Variants in BTBD9 observed in about 807,000 individuals in gnomAD.
BTBD9 encodes BTB domain containing 9.
A neutral mutation model predicts 64.3 loss-of-function variants in BTBD9; 49 were observed. That is an observed-to-expected ratio of 0.76 (90% CI 0.61 to 0.97). BTBD9 has a LOEUF of 0.97. BTBD9 is among the 50% of genes least tolerant of loss of function. The pLI is 0.00. For missense variants in BTBD9, 598 were observed against 762.1 expected (o/e 0.78, Z 2.53); for synonymous variants, 260 against 274.7 (o/e 0.95, Z 0.53).
rs536400652 is a variant in BTBD9 at position 38,301,282 on chromosome 6, T to C, written c.1265-12821A>G. Reference sequence around the variant, plus strand: ...TTTGCCAGTATTTTATTGAGGATTTTTGCATCAATGTTCATCAAGGATATT... The same window carrying C: ...TTTGCCAGTATTTTATTGAGGATTTCTGCATCAATGTTCATCAAGGATATT... On this transcript the variant is annotated intron_variant, in intron 7 of 10. Coordinates refer to ENST00000481247, the MANE Select transcript of BTBD9 (RefSeq NM_001099272.2). 1.6e-3 allele frequency among the ~76,000 whole-genome samples: 242 copies of C among 152,330 alleles called. 1 individual carries two copies. The highest frequency in any genetic ancestry group is 5.2e-3 in the African/African-American group (215 of 41,568).
chr6:38,472,492 C>T (rs764244424), intron 6 of BTBD9, among the ~76,000 whole-genome samples: 2 of 151,922 alleles, frequency 1.3e-5, no homozygotes, highest in Non-Finnish European at 2.9e-5. Context: ...AGAAAGGTCC[C>T]CAAGCAGCAA....
chr6:38,504,108 C>G (rs1447336422), intron 6 of BTBD9, among the ~76,000 whole-genome samples: 1 of 152,166 alleles, frequency 6.6e-6, no homozygotes, highest in Non-Finnish European at 1.5e-5. Context: ...AGTGCCCTCA[C>G]TTCCCCGTCT....
At chr6:38,332,453 T>C (rs898795168) in intron 7 of BTBD9, among the ~76,000 whole-genome samples, 33 of 152,224 alleles carry the variant, frequency 2.2e-4, no homozygotes, top group Non-Finnish European at 4.1e-4. Context: ...CACATTATAT[T>C]CTTACACATA....
chr6:38,188,337 A>G (rs1481245183), intron 10 of BTBD9, among the ~76,000 whole-genome samples: 2 of 152,170 alleles, frequency 1.3e-5, no homozygotes, highest in African/African-American at 4.8e-5. Flanking sequence ...ACTTTTGCCA[A>G]ACTGCCCAGC....
intron 6 of BTBD9, among the ~76,000 whole-genome samples, chr6:38,391,199 C>T (rs1226997318): frequency 6.6e-6 from 1 of 152,184 alleles, no homozygotes; most frequent in African/African-American, 2.4e-5. Context: ...AGCTCATGAA[C>T]CTTACTCTCA....
rs143718974 is a variant in BTBD9, at chr6:38,630,464, G to A, written c.-28+9336C>T. Among the ~76,000 whole-genome samples, 486 of 152,280 alleles carry A rather than the reference G, an allele frequency of 3.2e-3. 2 individuals carry two copies. Among genetic ancestry groups the A allele is most frequent in the Middle Eastern group, 6.8e-3 (2 of 294 alleles). ...TGTTTTTAGGAAATGCACATTGAAG[G>A]ATTGGGTATTATATCTGCAACTTTC... On this transcript the variant is annotated intron_variant, in intron 1 of 10. Coordinates refer to ENST00000481247, the MANE Select transcript of BTBD9 (RefSeq NM_001099272.2).
At chr6:38,532,718 A>C (rs1044949968) in intron 6 of BTBD9, among the ~76,000 whole-genome samples, 1 of 152,028 alleles carries the variant, frequency 6.6e-6, no homozygotes, top group Admixed American at 6.5e-5. Flanking sequence ...GGAAGAACCC[A>C]GTCCTCGAAG....
intron 6 of BTBD9, among the ~76,000 whole-genome samples, chr6:38,566,327 T>C (rs1285809397): frequency 2.0e-5 from 3 of 152,184 alleles, no homozygotes; most frequent in African/African-American, 7.2e-5. Flanking sequence ...GTCAAGTATA[T>C]GAATCTATAC....
intron 6 of BTBD9, among the ~76,000 whole-genome samples, chr6:38,514,515 G>GA (rs11406916): frequency 0.85 from 128,674 of 152,128 alleles, 56,440 homozygotes; most frequent in Non-Finnish European, 0.97. Context: ...ATATGAGAAT[G>GA]AACATGAACA....
intron 6 of BTBD9, among the ~76,000 whole-genome samples, chr6:38,379,243 G>A (rs542764238): frequency 6.6e-6 from 1 of 152,120 alleles, no homozygotes; most frequent in Non-Finnish European, 1.5e-5. Flanking sequence ...ATTTTTAGTG[G>A]CTGACTTTCA....
chr6:38,634,948 C>T (rs1395485168), intron 1 of BTBD9, among the ~76,000 whole-genome samples: 1 of 152,120 alleles, frequency 6.6e-6, no homozygotes, highest in Non-Finnish European at 1.5e-5. Context: ...CCTGGTTCTC[C>T]ATACACTTCA....
At chr6:38,199,136 G>A (rs1341580722) in intron 9 of BTBD9, among the ~76,000 whole-genome samples, 4 of 152,164 alleles carry the variant, frequency 2.6e-5, no homozygotes, top group African/African-American at 9.7e-5. Flanking sequence ...TCCCTCTGGA[G>A]ACCATGAACA....
At chr6:38,585,873 T>C (rs73733936) in intron 4 of BTBD9, among the ~76,000 whole-genome samples, 16,956 of 150,998 alleles carry the variant, frequency 0.11, 1,160 homozygotes, top group Non-Finnish European at 0.15. Context: ...AAATATAATA[T>C]CACAGTTGCA....
intron 9 of BTBD9, among the ~76,000 whole-genome samples, chr6:38,228,589 C>A (rs1401095183): frequency 6.6e-6 from 1 of 151,056 alleles, no homozygotes. Context: ...AAAAAACAGT[C>A]TCTAGGCTGG....
At chr6:38,332,410 G>A (rs1287816629) in intron 7 of BTBD9, among the ~76,000 whole-genome samples, 1 of 152,106 alleles carries the variant, frequency 6.6e-6, no homozygotes, top group Non-Finnish European at 1.5e-5. Flanking sequence ...TTATCCTTCG[G>A]TTCTTAACTG....
intron 6 of BTBD9, among the ~76,000 whole-genome samples, chr6:38,425,958 A>G (rs1768126238): frequency 6.7e-6 from 1 of 150,252 alleles, no homozygotes; most frequent in African/African-American, 2.5e-5. Context: ...ACACACACAC[A>G]AACAAAAGCA....
At chr6:38,482,468 T>G (rs929746225) in intron 6 of BTBD9, 1 of 151,998 alleles carries the variant, frequency 6.6e-6, no homozygotes, top group Non-Finnish European at 1.5e-5. Context: ...AGTAACAATG[T>G]ATTCCACTTA....
At chr6:38,301,975 C>T (rs887997927) in intron 7 of BTBD9, among the ~76,000 whole-genome samples, 4 of 151,968 alleles carry the variant, frequency 2.6e-5, no homozygotes, top group African/African-American at 9.7e-5. Flanking sequence ...TAGATCTTTC[C>T]TGCTTTCTCT....
At chr6:38,231,497 T>A (rs1233779678) in intron 9 of BTBD9, among the ~76,000 whole-genome samples, 1 of 152,176 alleles carries the variant, frequency 6.6e-6, no homozygotes, top group East Asian at 1.9e-4. Flanking sequence ...TTATATATAA[T>A]TTTGCCCAAT....
Sources: allele counts gnomAD v4.1 joint callset (sites outside exome capture counted in the v4.1 genomes callset), GRCh38; gene constraint gnomAD v4.1.1; transcripts MANE v1.5; gene names NCBI Gene and HGNC (gene_info 2026-07-23, HGNC 2026-07-21).